SH2D1A: variants seen among roughly 807,000 people sequenced by gnomAD.
SH2D1A encodes SH2 domain containing 1A.
In SH2D1A, 6 loss-of-function variants were observed where a neutral mutation model predicts 10.1. The ratio of observed to expected loss-of-function variants is 0.60; its 90% CI spans 0.33 to 1.18. SH2D1A has a LOEUF of 1.18. Among genes scored for constraint, SH2D1A ranks in the 50% most tolerant of loss-of-function variants. The probability of loss-of-function intolerance (pLI) is 0.04; values close to 1 mark genes in which losing one functional copy is unlikely to be tolerated. For synonymous variants in SH2D1A, 42 were observed against 36.9 expected (o/e 1.14, Z -0.51); for missense variants, 51 against 97.6 (o/e 0.52, Z 2.01).
In SH2D1A at chrX:124,372,792, C is replaced by T. The variant is rs1426426634; in HGVS notation, c.*1401C>T. ...AGCTATTCTCCATGTACTGGCAAGA[C>T]CTGATTTCTGAGCATTTAATATGGA... is the stretch of plus-strand genomic sequence containing the variant. On this transcript the variant is annotated 3_prime_UTR_variant, in exon 4 of 4. Transcript: ENST00000371139. The T allele has an allele frequency of 1.2e-5, 2 of 164,223 alleles. No individual in the cohort carries two copies. Among genetic ancestry groups the T allele is most frequent in the East Asian group, 8.8e-5 (1 of 11,342 alleles). 13.5% of individuals were successfully genotyped at this position (164,223 alleles called of 1,213,427 possible).
chrX:124,362,781 G>A (rs1256595260), intron 1 of SH2D1A, among the ~76,000 whole-genome samples: 1 of 111,119 alleles, frequency 9.0e-6, no homozygotes, highest in Non-Finnish European at 1.9e-5. Flanking sequence ...ATATGTTTAA[G>A]CTCTAACTTC....
intron 1 of SH2D1A, among the ~76,000 whole-genome samples, chrX:124,355,774 G>A (rs2060024772): frequency 1.8e-5 from 2 of 111,958 alleles, no homozygotes; most frequent in Admixed American, 9.5e-5. Context: ...ATGCATTTAC[G>A]TTAGTTTAAA....
In SH2D1A at chrX:124,370,206, C is replaced by T. The variant is rs1362460627; in HGVS notation, c.232C>T (p.Arg78Trp). The T allele has an allele frequency of 2.5e-6, 3 of 1,201,888 alleles. No individual in the cohort carries two copies. Among genetic ancestry groups the T allele is most frequent in the African/African-American group, 1.8e-5 (1 of 56,894 alleles). ...ACCTGGGGTACATAAAAGATATTTC[C>T]GGAAAATAAAAAATCTCATTTCAGC... ...TAPGVHKRYF[R>W]KIKNLISAFQ... The change falls in exon 3 of 4, where the codon CGG (arginine) becomes TGG (tryptophan). Residue 78 changes from arginine (R) to tryptophan (W), a missense_variant. Physicochemically the swap from Arg to Trp is moderately radical, Grantham distance 101. Coordinates refer to ENST00000371139, the MANE Select transcript of SH2D1A (RefSeq NM_002351.5).
At chrX:124,349,866 T>C (rs750281927) in intron 1 of SH2D1A, among the ~76,000 whole-genome samples, 1 of 108,989 alleles carries the variant, frequency 9.2e-6, no homozygotes, top group East Asian at 2.8e-4. Context: ...TAAATAAATA[T>C]AGATTTTTGT....
chrX:124,350,414 TA>T (rs1260190693), intron 1 of SH2D1A, among the ~76,000 whole-genome samples: 2 of 20,422 alleles, frequency 9.8e-5, no homozygotes, highest in Non-Finnish European at 1.5e-4. Context: ...ATATAATATA[TA>T]AATATATATT....
At chrX:124,366,937 G>T (rs780761489) in intron 2 of SH2D1A, among the ~76,000 whole-genome samples, 5 of 103,331 alleles carry the variant, frequency 4.8e-5, no homozygotes, top group Admixed American at 4.2e-4. Flanking sequence ...ATATTATTTC[G>T]CCAGAAATAG....
In SH2D1A at chrX:124,372,253, T is replaced by A. The variant is rs774701387; in HGVS notation, c.*862T>A. ...GGAAAGTTTATGGTTGTATTATTTT[T>A]TAAAAAAATTCCAAGTGATTGAAAC... On this transcript the variant is annotated 3_prime_UTR_variant, in exon 4 of 4. Coordinates refer to ENST00000371139, the MANE Select transcript of SH2D1A (RefSeq NM_002351.5). 243 of 164,823 alleles carry A rather than the reference T, an allele frequency of 1.5e-3. 1 individual carries two copies. The highest frequency in any genetic ancestry group is 2.5e-3 in the Non-Finnish European group (215 of 85,949). The allele number at this position is 164,823 out of a possible 1,213,427, so 13.6% of individuals were successfully genotyped here.
chrX:124,365,170 C>G (rs1294203036), intron 1 of SH2D1A, among the ~76,000 whole-genome samples: 1 of 110,500 alleles, frequency 9.0e-6, no homozygotes, highest in South Asian at 3.9e-4. Context: ...TGATGCACTT[C>G]TCATAATGTA....
intron 1 of SH2D1A, among the ~76,000 whole-genome samples, chrX:124,353,700 T>C (rs924460400): frequency 8.9e-6 from 1 of 112,195 alleles, no homozygotes; most frequent in Non-Finnish European, 1.9e-5. Context: ...ATTTCCATAG[T>C]TGGCATCCTT....
rs375879328 is a variant in SH2D1A, at chrX:124,357,417, T to C, written c.138-8344T>C. Among the ~76,000 whole-genome samples the C allele has an allele frequency of 1.1e-4, 12 of 112,436 alleles. No individual in the cohort carries two copies. In the East Asian group the frequency reaches 2.5e-3, roughly 23 times the overall value. On this transcript the variant is annotated intron_variant, in intron 1 of 3. Coordinates refer to ENST00000371139, the MANE Select transcript of SH2D1A (RefSeq NM_002351.5). Reference sequence around the variant, plus strand: ...ATAGACATGTAGGTTGATTGCATTATGTCTTGGCTATTGTGAATAATGCTG... The same window carrying C: ...ATAGACATGTAGGTTGATTGCATTACGTCTTGGCTATTGTGAATAATGCTG...
chrX:124,369,920 A>G (rs112911864), intron 2 of SH2D1A, among the ~76,000 whole-genome samples: 2 of 111,617 alleles, frequency 1.8e-5, no homozygotes, highest in African/African-American at 6.5e-5. Flanking sequence ...AGGGCAGGGC[A>G]ATGAGCAAGA....
chrX:124,365,226 A>G (rs1384158456), intron 1 of SH2D1A, among the ~76,000 whole-genome samples: 2 of 110,459 alleles, frequency 1.8e-5, no homozygotes, highest in Non-Finnish European at 3.8e-5. Context: ...TTATATTGCT[A>G]TACATTATAA....
chrX:124,347,593 G>GT (rs1220764602), intron 1 of SH2D1A, among the ~76,000 whole-genome samples: 4 of 111,173 alleles, frequency 3.6e-5, no homozygotes, highest in African/African-American at 6.6e-5. Context: ...CAGATGTTAG[G>GT]TTTGTGACTT....
intron 1 of SH2D1A, among the ~76,000 whole-genome samples, chrX:124,356,647 G>C (rs994607426): frequency 2.7e-5 from 3 of 111,002 alleles, no homozygotes; most frequent in African/African-American, 9.8e-5. Flanking sequence ...TTTTAGTAGA[G>C]ACAGGGTTTC....
At chrX:124,350,270 TTATATATAATATTATATAA>T (rs2060006355) in intron 1 of SH2D1A, among the ~76,000 whole-genome samples, 2 of 32,885 alleles carry the variant, frequency 6.1e-5, no homozygotes, top group African/African-American at 3.6e-4. Flanking sequence ...TAAATATATA[TTATATATAATATTATATAA>T]TATATAATAT....
chrX:124,352,214 T>C (rs2060016799), intron 1 of SH2D1A, among the ~76,000 whole-genome samples: 1 of 111,073 alleles, frequency 9.0e-6, no homozygotes, highest in Admixed American at 9.7e-5. Flanking sequence ...TGTTTCCAGA[T>C]AGCTAGCAAT....
Position 124,370,210 on chromosome X carries a change from A to G in SH2D1A, c.236A>G (p.Lys79Arg). The G allele has an allele frequency of 1.7e-6, 2 of 1,203,030 alleles. No individual in the cohort carries two copies. Among genetic ancestry groups the G allele is most frequent in the Non-Finnish European group, 2.3e-6 (2 of 887,611 alleles). The change falls in exon 3 of 4, where the codon AAA (lysine) becomes AGA (arginine). Residue 79 changes from lysine to arginine, a missense_variant. Lys to Arg is a conservative substitution (Grantham distance 26). Transcript: ENST00000371139. ...GGGGTACATAAAAGATATTTCCGGA[A>G]AATAAAAAATCTCATTTCAGCATTT... ...APGVHKRYFR[K>R]IKNLISAFQK...
At chrX:124,350,608 ATT>A (rs1269363551) in intron 1 of SH2D1A, among the ~76,000 whole-genome samples, 1 of 52,459 alleles carries the variant, frequency 1.9e-5, no homozygotes, top group African/African-American at 8.4e-5. Flanking sequence ...TATATTATAT[ATT>A]GTATATAAGA....
intron 2 of SH2D1A, among the ~76,000 whole-genome samples, chrX:124,367,900 A>T (rs929549393): frequency 5.4e-5 from 6 of 112,074 alleles, no homozygotes; most frequent in African/African-American, 1.9e-4. Flanking sequence ...TTAAAAATGT[A>T]CTGACATCAC....
Sources: allele counts gnomAD v4.1 joint callset (sites outside exome capture counted in the v4.1 genomes callset), GRCh38; gene constraint gnomAD v4.1.1; transcripts MANE v1.5; gene names NCBI Gene and HGNC (gene_info 2026-07-23, HGNC 2026-07-21).